The following SYNPO2 variants were observed in gnomAD, a reference collection of about 807,000 sequenced individuals.
SYNPO2 encodes synaptopodin-2.
SYNPO2 carries 56 observed loss-of-function variants against 85.0 expected under a neutral mutation model. The observed-to-expected ratio is 0.66, with a 90% CI of 0.53 to 0.82. The LOEUF is 0.82. Ranked by LOEUF, SYNPO2 falls within the 40% of genes least tolerant of loss-of-function variation. The probability of loss-of-function intolerance (pLI) is 0.00; values close to 1 mark genes in which losing one functional copy is unlikely to be tolerated. For missense variants in SYNPO2, 1,575 were observed against 1,534.2 expected (o/e 1.03, Z -0.44); for synonymous variants, 602 against 591.1 (o/e 1.02, Z -0.27).
At chr4:119,036,577 A>G in intron 4 of SYNPO2, 1 of 985,516 alleles carries the variant, frequency 1.0e-6, no homozygotes. Flanking sequence ...AATTGCTCTA[A>G]GAAGCCAGTT....
At chr4:119,037,116 A>G in intron 4 of SYNPO2, 1 of 1,538,056 alleles carries the variant, frequency 6.5e-7, no homozygotes, top group Non-Finnish European at 8.8e-7. Flanking sequence ...TGACAGGTGA[A>G]ATGTAAATCT....
At chr4:118,886,982 T>C (rs1732209013), upstream of SYNPO2, among the ~76,000 whole-genome samples, 1 of 152,210 alleles carries the variant, frequency 6.6e-6, no homozygotes, top group African/African-American at 2.4e-5. Context: ...TTATTCAACA[T>C]TGTTTCATGA....
At chr4:118,995,897 T>C (rs973608151) in intron 1 of SYNPO2, among the ~76,000 whole-genome samples, 2 of 151,742 alleles carry the variant, frequency 1.3e-5, no homozygotes, top group African/African-American at 4.9e-5. Context: ...TATCTATCTA[T>C]CTATCTATCA....
chr4:118,971,516 C>A (rs1466668597), intron 1 of SYNPO2, among the ~76,000 whole-genome samples: 2 of 152,208 alleles, frequency 1.3e-5, no homozygotes, highest in African/African-American at 4.8e-5. Flanking sequence ...GCTTCCATAT[C>A]TTTTAGGAAT....
intron 4 of SYNPO2, among the ~76,000 whole-genome samples, chr4:119,049,395 G>A (rs547610563): frequency 9.2e-5 from 14 of 152,094 alleles, no homozygotes; most frequent in Non-Finnish European, 1.9e-4. Context: ...GTTTAAGAGA[G>A]AAAAGAGTCA....
intron 1 of SYNPO2, among the ~76,000 whole-genome samples, chr4:118,876,687 TTCTTTCTTTCTTTC>T (rs1731924964): frequency 1.3e-5 from 1 of 79,412 alleles, no homozygotes; most frequent in Admixed American, 1.1e-4. Context: ...CTTTCTTTCT[TTCTTTCTTTCTTTC>T]TTTCTTTCTT....
intron 1 of SYNPO2, among the ~76,000 whole-genome samples, chr4:118,989,565 ACAGT>A (rs1324921885): frequency 6.6e-6 from 1 of 152,230 alleles, no homozygotes; most frequent in African/African-American, 2.4e-5. Flanking sequence ...TTATTGACTG[ACAGT>A]CAGTGCTAGC....
intron 1 of SYNPO2, among the ~76,000 whole-genome samples, chr4:118,942,663 G>A (rs1297823441): frequency 6.6e-6 from 1 of 152,104 alleles, no homozygotes; most frequent in Non-Finnish European, 1.5e-5. Flanking sequence ...GTTCTTTACT[G>A]GGGATAATGT....
intron 4 of SYNPO2, among the ~76,000 whole-genome samples, chr4:119,049,435 C>T (rs17330327): frequency 0.025 from 3,730 of 152,080 alleles, 63 homozygotes; most frequent in Non-Finnish European, 0.035. Flanking sequence ...TATCAGTTGA[C>T]GCCCCTTTCC....
intron 1 of SYNPO2, among the ~76,000 whole-genome samples, chr4:118,969,584 G>C (rs1429937748): frequency 6.6e-6 from 1 of 152,150 alleles, no homozygotes; most frequent in East Asian, 1.9e-4. Context: ...CATATTCCAA[G>C]TGTAATACTA....
chr4:118,856,794 G>A (rs1731514278), intron 1 of SYNPO2, among the ~76,000 whole-genome samples: 1 of 152,146 alleles, frequency 6.6e-6, no homozygotes, highest in Non-Finnish European at 1.5e-5. Context: ...TTACAGGCGT[G>A]AGCCACACCT....
chr4:118,920,497 C>G (rs1237196146), intron 1 of SYNPO2, among the ~76,000 whole-genome samples: 1 of 152,040 alleles, frequency 6.6e-6, no homozygotes, highest in Non-Finnish European at 1.5e-5. Flanking sequence ...CACTTGGCAC[C>G]CACAGTAGGC....
intron 1 of SYNPO2, among the ~76,000 whole-genome samples, chr4:119,000,891 C>T (rs1391526566): frequency 6.6e-6 from 1 of 152,116 alleles, no homozygotes; most frequent in Admixed American, 6.5e-5. Context: ...TCTGCTGAGA[C>T]ATAAGTCTAG....
intron 4 of SYNPO2, chr4:119,032,245 A>G: frequency 7.0e-7 from 1 of 1,427,350 alleles, no homozygotes; most frequent in Non-Finnish European, 9.1e-7. Flanking sequence ...CCTAAAATAT[A>G]TTTATCTTCT....
At chr4:119,038,365 T>C in intron 4 of SYNPO2, 2 of 895,364 alleles carry the variant, frequency 2.2e-6, no homozygotes, top group East Asian at 1.6e-4. Flanking sequence ...ATCTGTTTTA[T>C]TAGTAAAAAA....
At chr4:118,882,184 T>C (rs114665989) in intron 1 of SYNPO2, among the ~76,000 whole-genome samples, 424 of 152,258 alleles carry the variant, frequency 2.8e-3, no homozygotes, top group African/African-American at 8.5e-3. Context: ...GGAAGTAAAA[T>C]GAAACAACAA....
chr4:119,043,763 C>A (rs1186522108), intron 4 of SYNPO2: 4 of 151,968 alleles, frequency 2.6e-5, no homozygotes, highest in African/African-American at 7.3e-5. Context: ...CATGGTGAAA[C>A]CCCACCTCTA....
rs528351496 is a variant in SYNPO2 at position 118,920,423 on chromosome 4, T to C, written c.105+31282T>C. ...TCATTGGAGTGAGTGAGATCACCCA[T>C]GTCATAAAAAACAACTTTTATCTAA... On this transcript the variant is annotated intron_variant, in intron 1 of 4. Transcript: ENST00000307142. Among the ~76,000 whole-genome samples the C allele has an allele frequency of 2.0e-5, 3 of 152,254 alleles. No homozygotes were observed. The East Asian group carries it at 5.8e-4, about 29-fold the overall frequency.
intron 1 of SYNPO2, among the ~76,000 whole-genome samples, chr4:118,992,275 A>G (rs1736445914): frequency 6.6e-6 from 1 of 152,278 alleles, no homozygotes; most frequent in East Asian, 1.9e-4. Flanking sequence ...ATTGGAGGGG[A>G]GTTCAAACAC....
Sources: allele counts gnomAD v4.1 joint callset (sites outside exome capture counted in the v4.1 genomes callset), GRCh38; gene constraint gnomAD v4.1.1; transcripts MANE v1.5; gene names NCBI Gene and HGNC (gene_info 2026-07-23, HGNC 2026-07-21).